EYS: variants seen among roughly 807,000 people sequenced by gnomAD.
EYS encodes the protein EGF-like photoreceptor maintenance factor, also known as protein eyes shut homolog.
Under a neutral mutation model 282.1 loss-of-function variants are expected in EYS, and 250 were observed. The ratio of observed to expected loss-of-function variants is 0.89; its 90% CI spans 0.80 to 0.98. EYS has a LOEUF of 0.98. Ranked by LOEUF, EYS falls within the 50% of genes least tolerant of loss-of-function variation. The probability of loss-of-function intolerance (pLI) is 0.00; values close to 1 mark genes in which losing one functional copy is unlikely to be tolerated. For missense variants in EYS, 4,016 were observed against 3,709.0 expected (o/e 1.08, Z -2.15); for synonymous variants, 1,355 against 1,282.9 (o/e 1.06, Z -1.20).
At chr6:64,757,736 TTTTTTCTTTGTGTGTGTGTGTGTGTG>T in intron 22 of EYS, among the ~76,000 whole-genome samples, 1 of 132,012 alleles carries the variant, frequency 7.6e-6, no homozygotes, top group South Asian at 2.5e-4. Context: ...TTTTTTTTCT[TTTTTTCTTTGTGTGTGTGTGTGTGTG>T]TGTGTGTGTG....
At chr6:64,042,179 T>C (rs1056885270) in intron 33 of EYS, among the ~76,000 whole-genome samples, 22 of 152,364 alleles carry the variant, frequency 1.4e-4, no homozygotes, top group Admixed American at 4.6e-4. Context: ...TGGTTAGTGA[T>C]GGACTGGACT....
Position 64,590,141 on chromosome 6 carries a change from G to A in EYS, c.5644+82C>T, listed in dbSNP as rs142960050. On this transcript the variant is annotated intron_variant, in intron 26 of 42. Coordinates refer to ENST00000503581, the MANE Select transcript of EYS (RefSeq NM_001142800.2). ...TACAATGAGGCTGTTCAGAGCACCCGGTGACCATGACAGGCTCTTTCTTCT... is the reference window on the plus strand; with the variant it reads ...TACAATGAGGCTGTTCAGAGCACCCAGTGACCATGACAGGCTCTTTCTTCT... 7.1e-4 allele frequency: 898 copies of A among 1,256,264 alleles called. 3 individuals are homozygous for A. In the African/African-American group the frequency reaches 0.01, roughly 14 times the overall value. The allele number at this position is 1,256,264 out of a possible 1,614,324, so 77.8% of individuals were successfully genotyped here.
chr6:64,652,524 A>G (rs1768600077), intron 22 of EYS, among the ~76,000 whole-genome samples: 1 of 152,170 alleles, frequency 6.6e-6, no homozygotes, highest in African/African-American at 2.4e-5. Context: ...GGAAACCCTA[A>G]GGCCTAGAGA....
rs565411053 is a variant in EYS, at chr6:64,023,765, G to A, written c.6726-24582C>T. 1.4e-4 allele frequency among the ~76,000 whole-genome samples: 21 copies of A among 152,378 alleles called. No individual in the cohort carries two copies. The East Asian group carries it at 3.7e-3, about 27-fold the overall frequency. On this transcript the variant is annotated intron_variant, in intron 33 of 42. Transcript: ENST00000503581. Reference sequence around the variant, plus strand: ...CAGAGCCGGCTCCCTCAGCTTGCGAGGAGGTGTGGAGGGACAGGCGCGGGT... The same window carrying A: ...CAGAGCCGGCTCCCTCAGCTTGCGAAGAGGTGTGGAGGGACAGGCGCGGGT...
intron 12 of EYS, among the ~76,000 whole-genome samples, chr6:65,091,758 G>T (rs193160315): frequency 4.5e-4 from 68 of 152,178 alleles, no homozygotes; most frequent in African/African-American, 1.1e-3. Flanking sequence ...TTGGAGCAGA[G>T]GCGCACAACC....
At chr6:64,318,304 G>C (rs1160194826) in intron 29 of EYS, among the ~76,000 whole-genome samples, 2 of 151,660 alleles carry the variant, frequency 1.3e-5, no homozygotes, top group African/African-American at 4.8e-5. Context: ...TTCTCTCTCT[G>C]GCATTTGATG....
chr6:64,878,757 A>ATTT (rs199550207), intron 19 of EYS, among the ~76,000 whole-genome samples: 12,264 of 148,178 alleles, frequency 0.083, 726 homozygotes, highest in East Asian at 0.32. Flanking sequence ...GGAAATAAGG[A>ATTT]TTTTTTTTTT....
At chr6:64,116,721 C>A (rs892670731) in intron 31 of EYS, among the ~76,000 whole-genome samples, 3 of 151,934 alleles carry the variant, frequency 2.0e-5, no homozygotes, top group Non-Finnish European at 2.9e-5. Context: ...ACTGAAAGTG[C>A]AGAGATGAAT....
At chr6:65,426,095 C>T (rs887402165) in intron 5 of EYS, among the ~76,000 whole-genome samples, 5 of 152,072 alleles carry the variant, frequency 3.3e-5, no homozygotes, top group Non-Finnish European at 7.4e-5. Context: ...CAGCCTCATC[C>T]TCAAAAGTAT....
At chr6:64,073,947 A>G (rs1403124199) in intron 32 of EYS, among the ~76,000 whole-genome samples, 4 of 151,836 alleles carry the variant, frequency 2.6e-5, no homozygotes, top group African/African-American at 9.7e-5. Context: ...TTTCACTGAA[A>G]AGATGCTTGA....
intron 12 of EYS, among the ~76,000 whole-genome samples, chr6:65,090,852 G>C (rs1581901113): frequency 1.3e-5 from 2 of 151,996 alleles, no homozygotes; most frequent in East Asian, 3.9e-4. Flanking sequence ...TCATTTTCTG[G>C]TCTATAAATT....
chr6:64,808,885 C>T (rs1764513548), intron 22 of EYS, among the ~76,000 whole-genome samples: 1 of 152,002 alleles, frequency 6.6e-6, no homozygotes, highest in Admixed American at 6.6e-5. Flanking sequence ...TCTGATATGA[C>T]TCTGACCTGG....
chr6:65,362,649 A>T (rs9453275), intron 8 of EYS, among the ~76,000 whole-genome samples: 1 of 151,532 alleles, frequency 6.6e-6, no homozygotes, highest in Non-Finnish European at 1.5e-5. Flanking sequence ...TATATGTAAT[A>T]TTTTTACTAC....
intron 31 of EYS, among the ~76,000 whole-genome samples, chr6:64,122,323 A>T (rs1430771608): frequency 6.6e-6 from 1 of 152,168 alleles, no homozygotes; most frequent in Non-Finnish European, 1.5e-5. Context: ...CTGGAAGAAT[A>T]CTGCCTTTTT....
intron 35 of EYS, among the ~76,000 whole-genome samples, chr6:63,918,504 G>T (rs1019659386): frequency 6.6e-6 from 1 of 152,122 alleles, no homozygotes; most frequent in Non-Finnish European, 1.5e-5. Flanking sequence ...ATATCCTGGA[G>T]ATATTTCATT....
chr6:65,331,110 T>A, intron 11 of EYS: 1 of 981,950 alleles, frequency 1.0e-6, no homozygotes, highest in Non-Finnish European at 1.2e-6. Flanking sequence ...TAGTCTTCCT[T>A]TTCAAAGATG....
At chr6:63,780,101 T>G (rs186160460) in intron 39 of EYS, among the ~76,000 whole-genome samples, 1 of 152,334 alleles carries the variant, frequency 6.6e-6, no homozygotes, top group African/African-American at 2.4e-5. Context: ...GGCTGCATAG[T>G]ATTCCATGGT....
At chr6:64,757,744 TTGTGTGTGTGTGTGTGTG>T (rs66825340) in intron 22 of EYS, among the ~76,000 whole-genome samples, 37 of 139,908 alleles carry the variant, frequency 2.6e-4, no homozygotes, top group Admixed American at 8.6e-4. Flanking sequence ...CTTTTTTTCT[TTGTGTGTGTGTGTGTGTG>T]TGTGTGTGTG....
chr6:64,384,238 T>C (rs1772839687), intron 29 of EYS, among the ~76,000 whole-genome samples: 2 of 152,192 alleles, frequency 1.3e-5, no homozygotes, highest in African/African-American at 4.8e-5. Flanking sequence ...GCTTTACCAG[T>C]GTCCCTATTT....
Sources: allele counts gnomAD v4.1 joint callset (sites outside exome capture counted in the v4.1 genomes callset), GRCh38; gene constraint gnomAD v4.1.1; transcripts MANE v1.5; gene names NCBI Gene and HGNC (gene_info 2026-07-23, HGNC 2026-07-21).